ELOVL6: variants seen among roughly 807,000 people sequenced by gnomAD.
ELOVL6 encodes the protein very long chain fatty acid elongase 6.
ELOVL6 carries 8 observed loss-of-function variants against 31.7 expected under a neutral mutation model. The ratio of observed to expected loss-of-function variants is 0.25; its 90% CI spans 0.15 to 0.45. ELOVL6 has a LOEUF of 0.45. Ranked by LOEUF, ELOVL6 falls within the 20% of genes least tolerant of loss-of-function variation. ELOVL6 has a pLI of 1.00. For synonymous variants in ELOVL6, 101 were observed against 117.7 expected, an observed-to-expected ratio of 0.86 and a Z score of 0.92; for missense variants, 126 against 326.4, an observed-to-expected ratio of 0.39 and a Z score of 4.73.
At chr4:110,090,596 C>CTTCCTTTTTTTTTTTTT (rs1206850406) in intron 2 of ELOVL6, among the ~76,000 whole-genome samples, 2 of 82,558 alleles carry the variant, frequency 2.4e-5, no homozygotes, top group East Asian at 3.9e-4. Flanking sequence ...GAAAGTTTGA[C>CTTCCTTTTTTTTTTTTT]TTTCTTTTTT....
At chr4:110,181,341 G>A (rs547569397) in intron 1 of ELOVL6, among the ~76,000 whole-genome samples, 3 of 151,986 alleles carry the variant, frequency 2.0e-5, no homozygotes, top group Non-Finnish European at 4.4e-5. Flanking sequence ...CCAGATACTC[G>A]GGAGGCTGAG....
At chr4:110,197,923 G>A (rs1033151232) in intron 1 of ELOVL6, 46 of 368,190 alleles carry the variant, frequency 1.2e-4, no homozygotes, top group Middle Eastern at 7.6e-4. Context: ...GCACAGGTAG[G>A]CGATCTGGAC....
chr4:110,143,402 A>G (rs1220206392), intron 1 of ELOVL6, among the ~76,000 whole-genome samples: 1 of 152,202 alleles, frequency 6.6e-6, no homozygotes, highest in African/African-American at 2.4e-5. Context: ...TGCATCTGAG[A>G]ATAAGGTCAG....
At chr4:110,084,402 A>ACATACATGC (rs1560815211) in intron 2 of ELOVL6, among the ~76,000 whole-genome samples, 3 of 32,824 alleles carry the variant, frequency 9.1e-5, no homozygotes, top group African/African-American at 2.6e-4. Context: ...ATGATATATG[A>ACATACATGC]TATATGACAT....
chr4:110,192,187 T>C (rs897846922), intron 1 of ELOVL6, among the ~76,000 whole-genome samples: 3 of 95,650 alleles, frequency 3.1e-5, no homozygotes, highest in Non-Finnish European at 4.3e-5. Flanking sequence ...CAAAACTCCA[T>C]CCAAGAAAAA....
At chr4:110,113,713 T>C (rs763012357) in intron 1 of ELOVL6, among the ~76,000 whole-genome samples, 5 of 152,206 alleles carry the variant, frequency 3.3e-5, no homozygotes, top group Non-Finnish European at 7.3e-5. Context: ...AGAGTATTGA[T>C]TGTTGCAGGT....
chr4:110,197,312 A>T (rs1759837577), intron 1 of ELOVL6, among the ~76,000 whole-genome samples: 1 of 152,228 alleles, frequency 6.6e-6, no homozygotes, highest in South Asian at 2.1e-4. Context: ...TCCTCTGTTA[A>T]ATATTGCAAG....
intron 1 of ELOVL6, among the ~76,000 whole-genome samples, chr4:110,156,054 T>C (rs958807480): frequency 6.6e-6 from 1 of 152,238 alleles, no homozygotes; most frequent in African/African-American, 2.4e-5. Flanking sequence ...TGCTTTCCTT[T>C]CTTTAAATAC....
intron 1 of ELOVL6, among the ~76,000 whole-genome samples, chr4:110,162,093 G>A (rs963462959): frequency 4.6e-5 from 7 of 152,148 alleles, no homozygotes; most frequent in African/African-American, 1.7e-4. Flanking sequence ...TACCCTTGTG[G>A]AACATTTTAA....
At chr4:110,184,585 C>G (rs1759386503) in intron 1 of ELOVL6, among the ~76,000 whole-genome samples, 1 of 152,128 alleles carries the variant, frequency 6.6e-6, no homozygotes, top group African/African-American at 2.4e-5. Flanking sequence ...AGATCAGTGA[C>G]TCAGAAAGAC....
At chr4:110,057,445 C>T (rs182222618) in intron 3 of ELOVL6, among the ~76,000 whole-genome samples, 15 of 151,864 alleles carry the variant, frequency 9.9e-5, no homozygotes, top group African/African-American at 3.6e-4. Context: ...TGTAGTCAGG[C>T]CTTTGTCAAA....
chr4:110,161,984 A>C (rs1361897640), intron 1 of ELOVL6, among the ~76,000 whole-genome samples: 1 of 152,234 alleles, frequency 6.6e-6, no homozygotes, highest in African/African-American at 2.4e-5. Flanking sequence ...TTGTGCACAC[A>C]AAACATCTCT....
chr4:110,145,043 A>G (rs965884423), intron 1 of ELOVL6, among the ~76,000 whole-genome samples: 5 of 152,040 alleles, frequency 3.3e-5, no homozygotes, highest in African/African-American at 1.2e-4. Flanking sequence ...ATACAATATA[A>G]GAGCACACAG....
chr4:110,066,123 G>A lies in ELOVL6; in HGVS notation c.222-6369C>T, dbSNP rs145181342. Among the ~76,000 whole-genome samples, 49 of 152,260 alleles carry A rather than the reference G, an allele frequency of 3.2e-4. No homozygotes were observed. The East Asian group carries it at 9.5e-3, about 29-fold the overall frequency. ...AAGGAGTTGTCAAAAAACAGCAACA[G>A]GTGATCCAACAGCAGCAACTCTTTA... On this transcript the variant is annotated intron_variant, in intron 2 of 3. Transcript: ENST00000302274.
Position 110,061,549 on chromosome 4 carries a change from C to CTTTTTTTTTTTTTTTTTTT in ELOVL6, c.222-1814_222-1796dup, listed in dbSNP as rs57846282. On this transcript the variant is annotated intron_variant, in intron 2 of 3. Transcript: ENST00000302274. ...CTGTCTTTCCCTCACCAAATGATGG[C>CTTTTTTTTTTTTTTTTTTT]TTTTTTTTTTTTTTTTTTTTTTTTT... Among the ~76,000 whole-genome samples the CTTTTTTTTTTTTTTTTTTT allele has an allele frequency of 5.5e-4, 40 of 72,376 alleles. 3 individuals carry two copies. The highest frequency in any genetic ancestry group is 1.3e-3 in the Admixed American group (6 of 4,474). The allele number at this position is 72,376 out of a possible 152,430, so 47.5% of individuals were successfully genotyped here.
chr4:110,068,114 A>T lies in ELOVL6; in HGVS notation c.222-8360T>A, dbSNP rs184377895. 5.9e-5 allele frequency among the ~76,000 whole-genome samples: 9 copies of T among 152,358 alleles called. No homozygotes were observed. The East Asian group carries it at 1.7e-3, about 29-fold the overall frequency. ...AAAACTAAAATACATAAGAAAGAAA[A>T]GTATTAGACATAAAAGCTAAACTTA... On this transcript the variant is annotated intron_variant, in intron 2 of 3. Transcript: ENST00000302274.
chr4:110,084,394 G>GATATGTATCGC lies in ELOVL6; in HGVS notation c.221+21102_221+21103insGCGATACATAT, dbSNP rs1756122650. On this transcript the variant is annotated intron_variant, in intron 2 of 3. Transcript: ENST00000302274. ...GATATATGATATATATCGCATATATGATATATGATATATGACATACATGAT... is the reference window on the plus strand; with the variant it reads ...GATATATGATATATATCGCATATATGATATGTATCGCATATATGATATATGACATACATGAT... Among the ~76,000 whole-genome samples, 4 of 41,146 alleles carry GATATGTATCGC rather than the reference G, an allele frequency of 9.7e-5. No individual in the cohort carries two copies. In the Admixed American group the frequency reaches 1.4e-3, roughly 15 times the overall value. 27.0% of individuals were successfully genotyped at this position (41,146 alleles called of 152,430 possible). A position where few individuals can be genotyped will look rare whatever the true frequency, so the allele number is the denominator to read the frequency against.
In ELOVL6 at chr4:110,047,248, CAA is replaced by C. The variant is rs1183760672; in HGVS notation, c.*4088_*4089del. ...ACTTAAAGCTCTGAACTCTGAGAGG[CAA>C]AGTCTATTTGTTCTCTACTCTCCTC... On this transcript the variant is annotated 3_prime_UTR_variant, in exon 4 of 4. Transcript: ENST00000302274. 2 of 151,226 alleles carry C rather than the reference CAA, an allele frequency of 1.3e-5. No homozygotes were observed. Among genetic ancestry groups the C allele is most frequent in the Non-Finnish European group, 2.9e-5 (2 of 67,938 alleles). 9.4% of individuals were successfully genotyped at this position (151,226 alleles called of 1,614,324 possible). A position where few individuals can be genotyped will look rare whatever the true frequency, so the allele number is the denominator to read the frequency against.
Position 110,198,278 on chromosome 4 carries a change from T to G in ELOVL6, c.58A>C (p.Asn20His). ...TCCTGCATCCATTGGATGGCTTCAT[T>G]CTCGTTGAACTGCTTTTCGAATTCA... ...EYEFEKQFNE[N>H]EAIQWMQENW... The change falls in exon 1 of 4, where the codon AAT (asparagine) becomes CAT (histidine). Residue 20 changes from asparagine (N) to histidine (H), a missense_variant. By Grantham distance (68) the Asn-to-His change is moderately conservative (BLOSUM62 1). Around this residue, in one of 3 missense-constraint regions of ELOVL6, gnomAD observed 16 missense variants for 22.8 expected, o/e 0.70. Coordinates refer to ENST00000302274, the MANE Select transcript of ELOVL6 (RefSeq NM_024090.3). 1 of 1,611,964 alleles carries G rather than the reference T, an allele frequency of 6.2e-7. No individual in the cohort carries two copies. Among genetic ancestry groups the G allele is most frequent in the Non-Finnish European group, 8.5e-7 (1 of 1,178,016 alleles).
Sources: gnomAD v4.1 joint callset for allele counts (sites outside exome capture counted in the v4.1 genomes callset) on GRCh38, gnomAD v4.1.1 for gene constraint, gnomAD v4.1.1 regional missense constraint, MANE v1.5 for transcripts, NCBI Gene and HGNC (gene_info 2026-07-23, HGNC 2026-07-21) for gene names.